ZNF385D: variants seen among roughly 807,000 people sequenced by gnomAD.
ZNF385D encodes zinc finger protein 385D, also known as zinc finger protein 659.
ZNF385D carries 15 observed loss-of-function variants against 35.8 expected under a neutral mutation model. The observed-to-expected ratio is 0.42, with a 90% CI of 0.28 to 0.64. The LOEUF is 0.64. Among genes scored for constraint, ZNF385D ranks in the 30% least tolerant of loss-of-function variants. The pLI is 0.23. For missense variants in ZNF385D, 474 were observed against 494.6 expected (o/e 0.96, Z 0.39); for synonymous variants, 212 against 186.8 (o/e 1.13, Z -1.10).
chr3:22,316,608 C>A (rs955418958), intron 2 of ZNF385D, among the ~76,000 whole-genome samples: 3 of 152,244 alleles, frequency 2.0e-5, no homozygotes, highest in Admixed American at 2.0e-4. Context: ...GTTTGAGTCC[C>A]ATTTTTGACA....
chr3:21,585,090 T>G (rs137857573), intron 2 of ZNF385D, among the ~76,000 whole-genome samples: 467 of 152,330 alleles, frequency 3.1e-3, no homozygotes, highest in African/African-American at 0.011. Flanking sequence ...TATTTCTAAA[T>G]GTGTTTTAAA....
chr3:21,986,504 C>T (rs1216889970), intron 3 of ZNF385D, among the ~76,000 whole-genome samples: 1 of 131,452 alleles, frequency 7.6e-6, no homozygotes. Flanking sequence ...ATCCTGAGTT[C>T]TAGTTTGATT....
At chr3:21,786,675 C>G (rs1461791402) in intron 3 of ZNF385D, among the ~76,000 whole-genome samples, 1 of 152,164 alleles carries the variant, frequency 6.6e-6, no homozygotes, top group Non-Finnish European at 1.5e-5. Context: ...AATAATAAGG[C>G]CATTTATACT....
At chr3:22,264,518 T>G (rs1700798433) in intron 2 of ZNF385D, among the ~76,000 whole-genome samples, 1 of 152,034 alleles carries the variant, frequency 6.6e-6, no homozygotes, top group Non-Finnish European at 1.5e-5. Context: ...TCCTAACATG[T>G]TTCTTTATTT....
chr3:21,650,191 T>C (rs1026733309), intron 2 of ZNF385D, among the ~76,000 whole-genome samples: 2 of 152,324 alleles, frequency 1.3e-5, no homozygotes, highest in East Asian at 1.9e-4. Flanking sequence ...GAATTATATA[T>C]GTAATAAAAC....
intron 3 of ZNF385D, among the ~76,000 whole-genome samples, chr3:21,801,815 A>G (rs749837189): frequency 1.2e-4 from 18 of 152,020 alleles, no homozygotes; most frequent in Non-Finnish European, 2.9e-5. Flanking sequence ...GTCCTGACCA[A>G]TTTGGGTTTC....
intron 2 of ZNF385D, among the ~76,000 whole-genome samples, chr3:21,600,800 G>A (rs556583727): frequency 6.6e-6 from 1 of 151,940 alleles, no homozygotes; most frequent in Non-Finnish European, 1.5e-5. Context: ...AAGAAAAAAA[G>A]CTCTGAGAAA....
At chr3:21,475,122 T>A (rs561855212) in intron 4 of ZNF385D, among the ~76,000 whole-genome samples, 1 of 152,214 alleles carries the variant, frequency 6.6e-6, no homozygotes, top group East Asian at 1.9e-4. Context: ...TGTTTTGTTT[T>A]ATCCCATCTA....
intron 1 of ZNF385D, among the ~76,000 whole-genome samples, chr3:21,743,581 T>C (rs1334692875): frequency 1.3e-5 from 2 of 152,238 alleles, no homozygotes; most frequent in African/African-American, 2.4e-5. Flanking sequence ...AGTTACGTTC[T>C]TGCTACAGCC....
intron 1 of ZNF385D, among the ~76,000 whole-genome samples, chr3:21,681,656 C>T (rs2066910905): frequency 7.4e-6 from 1 of 136,034 alleles, no homozygotes; most frequent in Admixed American, 7.6e-5. Context: ...TACACACATG[C>T]ATTTTCTAAA....
intron 3 of ZNF385D, among the ~76,000 whole-genome samples, chr3:22,129,409 C>T (rs1032198062): frequency 6.6e-6 from 1 of 152,172 alleles, no homozygotes; most frequent in African/African-American, 2.4e-5. Context: ...TCTTTTCCTT[C>T]AGTGCAGCAG....
At chr3:21,809,422 T>C (rs1021518238) in intron 3 of ZNF385D, among the ~76,000 whole-genome samples, 1 of 152,050 alleles carries the variant, frequency 6.6e-6, no homozygotes, top group East Asian at 1.9e-4. Flanking sequence ...TTTCAACATA[T>C]GTAGGTAGCA....
In ZNF385D at chr3:22,240,243, T is replaced by C. The variant is rs930669245; in HGVS notation, c.107-71208A>G. ...GGCTCCACCAAAAAGTCATCATCAT[T>C]AGAAATTTTCTGGCTTGCAATGCAG... On this transcript the variant is annotated intron_variant, in intron 2 of 5. Transcript: ENST00000494108. Among the ~76,000 whole-genome samples, 6 of 149,200 alleles carry C rather than the reference T, an allele frequency of 4.0e-5. 1 individual carries two copies. The highest frequency in any genetic ancestry group is 1.5e-4 in the African/African-American group (6 of 40,180).
At chr3:21,679,473 G>A (rs1017388662) in intron 1 of ZNF385D, among the ~76,000 whole-genome samples, 3 of 151,984 alleles carry the variant, frequency 2.0e-5, no homozygotes, top group African/African-American at 7.2e-5. Flanking sequence ...TTTCTATGGT[G>A]TCTAAGAAAG....
intron 2 of ZNF385D, among the ~76,000 whole-genome samples, chr3:22,309,507 A>T (rs1703420131): frequency 6.6e-6 from 1 of 152,128 alleles, no homozygotes; most frequent in Admixed American, 6.6e-5. Flanking sequence ...ATATAAGGTC[A>T]AAAACATATT....
chr3:22,200,241 C>T (rs533420505), intron 2 of ZNF385D, among the ~76,000 whole-genome samples: 39 of 152,114 alleles, frequency 2.6e-4, no homozygotes, highest in African/African-American at 7.7e-4. Flanking sequence ...GAACATGCCC[C>T]GATAGTCATG....
At chr3:22,248,099 A>G (rs1699883751) in intron 2 of ZNF385D, among the ~76,000 whole-genome samples, 1 of 152,202 alleles carries the variant, frequency 6.6e-6, no homozygotes, top group African/African-American at 2.4e-5. Flanking sequence ...CATGAACTAC[A>G]CAACCTTGCT....
intron 3 of ZNF385D, among the ~76,000 whole-genome samples, chr3:21,908,268 C>A (rs552360836): frequency 6.6e-6 from 1 of 151,102 alleles, no homozygotes. Context: ...AAGAAAAAGA[C>A]GTAAGGAAAA....
Position 21,510,913 on chromosome 3 carries a change from A to G in ZNF385D, c.387T>C (p.Thr129=), listed in dbSNP as rs768844505. Residue 129 remains threonine, a synonymous_variant, in exon 4 of 8, where the codon ACT becomes ACC. Coordinates refer to ENST00000281523, the MANE Select transcript of ZNF385D (RefSeq NM_024697.3). ...TATTGGTAGTGATGGAGGTGAAGGTAGTCTTTGCGCTGTCCTTGGCAGTTA... is the reference window on the plus strand; with the variant it reads ...TATTGGTAGTGATGGAGGTGAAGGTGGTCTTTGCGCTGTCCTTGGCAGTTA... ...KSVTAKDSAK[T]TFTSITTNTI... is the part of the protein sequence containing the mutation. The G allele has an allele frequency of 2.5e-6, 4 of 1,613,980 alleles. No homozygotes were observed. In the African/African-American group the frequency reaches 5.3e-5, roughly 22 times the overall value.
Sources: allele counts gnomAD v4.1 joint callset (sites outside exome capture counted in the v4.1 genomes callset), GRCh38; gene constraint gnomAD v4.1.1; transcripts MANE v1.5; gene names NCBI Gene and HGNC (gene_info 2026-07-23, HGNC 2026-07-21).